CYTH4: variants seen among roughly 807,000 people sequenced by gnomAD.
CYTH4 encodes the protein cytohesin 4, also known as cytohesin-4.
In CYTH4, 22 loss-of-function variants were observed where a neutral mutation model predicts 57.5. The ratio of observed to expected loss-of-function variants is 0.38; its 90% confidence interval spans 0.27 to 0.55. CYTH4 has a LOEUF of 0.55. Among genes scored for constraint, CYTH4 ranks in the 20% least tolerant of loss-of-function variants. The pLI is 0.74. For missense variants in CYTH4, 420 were observed against 535.6 expected (o/e 0.78, Z 2.13); for synonymous variants, 186 against 206.5 (o/e 0.90, Z 0.85).
intron 8 of CYTH4, among the ~76,000 whole-genome samples, chr22:37,304,503 A>T (rs1297183771): frequency 6.6e-6 from 1 of 152,160 alleles, no homozygotes; most frequent in Non-Finnish European, 1.5e-5. Context: ...CCTGAGCTTC[A>T]ATCCCCTCCA....
intron 6 of CYTH4, among the ~76,000 whole-genome samples, chr22:37,300,548 C>A (rs1569108865): frequency 1.3e-5 from 2 of 152,204 alleles, no homozygotes; most frequent in East Asian, 3.9e-4. Flanking sequence ...CAACTAGGTC[C>A]CACAGCCAGA....
intron 1 of CYTH4, among the ~76,000 whole-genome samples, chr22:37,289,484 C>A (rs903887756): frequency 1.3e-4 from 20 of 152,220 alleles, no homozygotes; most frequent in Non-Finnish European, 2.4e-4. Flanking sequence ...ACTCATTCTG[C>A]AACCAGCCTT....
At chr22:37,289,708 C>T (rs1357563765) in intron 1 of CYTH4, among the ~76,000 whole-genome samples, 1 of 152,198 alleles carries the variant, frequency 6.6e-6, no homozygotes, top group Non-Finnish European at 1.5e-5. Flanking sequence ...GACCTTCTGA[C>T]TTAGTGGGAC....
At chr22:37,288,148 C>T (rs2284048) in intron 1 of CYTH4, among the ~76,000 whole-genome samples, 88,740 of 151,912 alleles carry the variant, frequency 0.58, 26,215 homozygotes, top group South Asian at 0.78. Flanking sequence ...AGTGCGGTGG[C>T]TCACGCCTGT....
In CYTH4 at chr22:37,313,430, T is replaced by A; in HGVS notation, c.1113-9T>A. ...CCAGCCCTGAAATCTCTCCTCCCAC[T>A]CATTCTAGAGCCAGCATCACCCGTG... On this transcript the variant is annotated splice_polypyrimidine_tract_variant and intron_variant, in intron 12 of 12. Coordinates refer to ENST00000248901, the MANE Select transcript of CYTH4 (RefSeq NM_013385.5). The A allele has an allele frequency of 6.2e-7, 1 of 1,613,794 alleles. No individual in the cohort carries two copies. The highest frequency in any genetic ancestry group is 2.2e-5 in the East Asian group (1 of 44,868).
chr22:37,301,681 C>A (rs1226517325), intron 7 of CYTH4, among the ~76,000 whole-genome samples: 2 of 116,484 alleles, frequency 1.7e-5, no homozygotes, highest in Non-Finnish European at 3.4e-5. Context: ...GCCACTCAAT[C>A]CTTTTTTTTT....
intron 8 of CYTH4, among the ~76,000 whole-genome samples, chr22:37,308,884 A>G (rs966922845): frequency 6.6e-6 from 1 of 151,862 alleles, no homozygotes; most frequent in South Asian, 2.1e-4. Flanking sequence ...GTGTGTGTGC[A>G]CGTGTGTGTG....
rs1254006268 is a variant in CYTH4 at position 37,292,682 on chromosome 22, G to A, written c.81G>A (p.Lys27=). The change falls in exon 2 of 13, where the codon AAG becomes AAA. Residue 27 remains lysine (K), a synonymous_variant. Coordinates refer to ENST00000248901, the MANE Select transcript of CYTH4 (RefSeq NM_013385.5). The part of the protein sequence containing the change: ...EELQRIKWHR[K]QLLEDIQKLK... ...TACAGAGGATCAAGTGGCACCGAAA[G>A]CAGCTCCTGGAGGACATCCAGGTGA... 5 of 1,613,636 alleles carry A rather than the reference G, an allele frequency of 3.1e-6. No homozygotes were observed. The African/African-American group carries it at 4.0e-5, about 13-fold the overall frequency.
At chr22:37,292,296 G>T in intron 1 of CYTH4, 1 of 307,374 alleles carries the variant, frequency 3.3e-6, no homozygotes. Flanking sequence ...TCTAGGTGCT[G>T]GGGACACAGT....
chr22:37,301,031 G>T lies in CYTH4; in HGVS notation c.547+12G>T. On this transcript the variant is annotated intron_variant, in intron 7 of 12. Transcript: ENST00000248901. ...CTTCCAGTCCACAGGTGCCAGGAGG[G>T]GAGTGGGACCCAGGGCTCCGGGACC... 1.9e-6 allele frequency: 3 copies of T among 1,610,440 alleles called. No homozygotes were observed. The highest frequency in any genetic ancestry group is 2.5e-6 in the Non-Finnish European group (3 of 1,177,084).
Position 37,300,811 on chromosome 22 carries a change from G to C in CYTH4, c.435-96G>C. ...ACAGTTGCAGATTCCCCCATTTACA[G>C]GATACAGAGACTAAACCTGGGAGAG... On this transcript the variant is annotated intron_variant, in intron 6 of 12. Coordinates refer to ENST00000248901, the MANE Select transcript of CYTH4 (RefSeq NM_013385.5). 4 of 986,534 alleles carry C rather than the reference G, an allele frequency of 4.1e-6. No homozygotes were observed. In the South Asian group the frequency reaches 4.2e-5, roughly 10 times the overall value. 61.1% of individuals were successfully genotyped at this position (986,534 alleles called of 1,614,324 possible).
chr22:37,293,069 G>GC (rs1928810113), intron 2 of CYTH4, among the ~76,000 whole-genome samples: 1 of 152,224 alleles, frequency 6.6e-6, no homozygotes, highest in Non-Finnish European at 1.5e-5. Context: ...CCCAGTATGT[G>GC]CCCTGCACTT....
rs533536869 is a variant in CYTH4 at position 37,313,427 on chromosome 22, C to T, written c.1113-12C>T. ...AGTCCAGCCCTGAAATCTCTCCTCC[C>T]ACTCATTCTAGAGCCAGCATCACCC... On this transcript the variant is annotated splice_polypyrimidine_tract_variant and intron_variant, in intron 12 of 12. Transcript: ENST00000248901. 247 of 1,613,788 alleles carry T rather than the reference C, an allele frequency of 1.5e-4. 4 individuals are homozygous for T. In the South Asian group the frequency reaches 2.5e-3, roughly 16 times the overall value.
Position 37,311,036 on chromosome 22 carries a change from A to G in CYTH4, c.857A>G (p.Asn286Ser), listed in dbSNP as rs768166234. Residue 286 changes from asparagine to serine, a missense_variant, in exon 10 of 13, where the codon AAC becomes AGC. Physicochemically the swap from Asn to Ser is conservative, Grantham distance 46. Coordinates refer to ENST00000248901, the MANE Select transcript of CYTH4 (RefSeq NM_013385.5). This position sits in a 1 kb window ranked among gnomAD's most constrained non-coding sequence, Gnocchi z 4.4. ...CGGCGCTGGTTCATCCTGACCGACA[A>G]CTGCCTCTACTACTTCGAGTTCACC... Reference protein sequence around the residue: ...WKRRWFILTDNCLYYFEFTTD... With the variant: ...WKRRWFILTDSCLYYFEFTTD... 8 of 1,614,164 alleles carry G rather than the reference A, an allele frequency of 5.0e-6. No individual in the cohort carries two copies. Among genetic ancestry groups the G allele is most frequent in the Non-Finnish European group, 6.8e-6 (8 of 1,180,020 alleles).
chr22:37,285,873 C>G (rs950838780), intron 1 of CYTH4, among the ~76,000 whole-genome samples: 6 of 152,284 alleles, frequency 3.9e-5, no homozygotes, highest in African/African-American at 1.4e-4. Context: ...CATCATCACC[C>G]TCATGTGGGT....
intron 1 of CYTH4, among the ~76,000 whole-genome samples, chr22:37,291,177 C>T (rs762667999): frequency 5.3e-5 from 8 of 152,078 alleles, no homozygotes; most frequent in Non-Finnish European, 1.2e-4. Context: ...TAACAGCAAC[C>T]GAAACATTCT....
In CYTH4 at chr22:37,305,967, G is replaced by A. The variant is rs561820276; in HGVS notation, c.696+2565G>A. ...GGGGCAGAGTCCCCAAGAAGCTCAG[G>A]GTGAAGGCACAGTGAGTTCAGACTC... On this transcript the variant is annotated intron_variant, in intron 8 of 12. Coordinates refer to ENST00000248901, the MANE Select transcript of CYTH4 (RefSeq NM_013385.5). Among the ~76,000 whole-genome samples the A allele has an allele frequency of 2.6e-4, 40 of 152,286 alleles. 1 individual carries two copies. Among genetic ancestry groups the A allele is most frequent in the Admixed American group, 1.7e-3 (26 of 15,290 alleles).
At position 37,298,372 on chromosome 22, in the gene CYTH4, C is replaced by CAAA; in HGVS notation, c.353+699_353+701dup. On this transcript the variant is annotated intron_variant, in intron 5 of 12. Transcript: ENST00000248901. This position sits in a 1 kb window ranked among gnomAD's most constrained non-coding sequence, Gnocchi z 4.1. ...ACAGATTGAGAACGAGACTCCGTCT[C>CAAA]AAAAAAAAAAAGAAAAGAAAAGAAA... is the stretch of plus-strand genomic sequence containing the variant. 3 of 135,450 alleles carry CAAA rather than the reference C, an allele frequency of 2.2e-5. No homozygotes were observed. Among genetic ancestry groups the CAAA allele is most frequent in the Non-Finnish European group, 4.6e-5 (3 of 64,574 alleles). 8.4% of individuals were successfully genotyped at this position (135,450 alleles called of 1,614,324 possible).
In CYTH4 at chr22:37,314,201, A is replaced by G. The variant is rs1929765013; in HGVS notation, c.*690A>G. ...ACTGCAGTGTTTGGACTAGAAACGT[A>G]TTGGCCCCTGCTAGCCCTGTGCTCC... On this transcript the variant is annotated 3_prime_UTR_variant, in exon 13 of 13. Transcript: ENST00000248901. The G allele has an allele frequency of 2.5e-6, 1 of 396,840 alleles. No individual in the cohort carries two copies. Among genetic ancestry groups the G allele is most frequent in the Non-Finnish European group, 4.4e-6 (1 of 225,490 alleles). 24.6% of individuals were successfully genotyped at this position (396,840 alleles called of 1,614,324 possible).
Sources: gnomAD v4.1 joint callset for allele counts (sites outside exome capture counted in the v4.1 genomes callset) on GRCh38, gnomAD v4.1.1 for gene constraint, Gnocchi (gnomAD v3.1) non-coding constraint, MANE v1.5 for transcripts, NCBI Gene and HGNC (gene_info 2026-07-23, HGNC 2026-07-21) for gene names.